Variants in SEMA3A observed in about 807,000 individuals in gnomAD.
SEMA3A encodes the protein semaphorin 3A.
Under a neutral mutation model 97.9 loss-of-function variants are expected in SEMA3A, and 29 were observed. That is an observed-to-expected ratio of 0.30 (90% CI 0.22 to 0.40). The LOEUF is 0.40. Among genes scored for constraint, SEMA3A ranks in the 10% least tolerant of loss-of-function variants. The probability of loss-of-function intolerance (pLI) is 1.00; values close to 1 mark genes in which losing one functional copy is unlikely to be tolerated. For missense variants in SEMA3A, 763 were observed against 951.3 expected (o/e 0.80, Z 2.60); for synonymous variants, 321 against 323.7 (o/e 0.99, Z 0.09).
At chr7:84,295,106 A>C (rs1162091102) in intron 3 of SEMA3A, among the ~76,000 whole-genome samples, 2 of 152,070 alleles carry the variant, frequency 1.3e-5, no homozygotes, top group Non-Finnish European at 2.9e-5. Flanking sequence ...TTCAACTAAC[A>C]CATCTCAGAT....
At position 84,372,934 on chromosome 7, in the gene SEMA3A, A is replaced by G. The variant is rs368901351; in HGVS notation, c.-245-1034T>C. Reference sequence around the variant, plus strand: ...CTCTGGCTATGAATTTCATCATGAGACTTGCTTTTGCAAATAGGATGATGT... The same window carrying G: ...CTCTGGCTATGAATTTCATCATGAGGCTTGCTTTTGCAAATAGGATGATGT... On this transcript the variant is annotated intron_variant, in intron 1 of 3. Transcript: ENST00000424555. Among the ~76,000 whole-genome samples the G allele has an allele frequency of 1.1e-4, 16 of 152,248 alleles. No individual in the cohort carries two copies. In the East Asian group the frequency reaches 1.6e-3, roughly 15 times the overall value.
chr7:84,265,352 C>T (rs1405305174), intron 3 of SEMA3A, among the ~76,000 whole-genome samples: 2 of 151,056 alleles, frequency 1.3e-5, no homozygotes, highest in Non-Finnish European at 1.5e-5. Context: ...CTGTTGGATG[C>T]CTGATCTTGA....
At chr7:83,965,052 A>G (rs150727330) in intron 15 of SEMA3A, among the ~76,000 whole-genome samples, 2 of 152,084 alleles carry the variant, frequency 1.3e-5, no homozygotes, top group African/African-American at 4.8e-5. Flanking sequence ...TGCTATTTAC[A>G]TTGAATACTT....
At chr7:84,182,074 G>T (rs1299394259) in intron 1 of SEMA3A, among the ~76,000 whole-genome samples, 1 of 151,996 alleles carries the variant, frequency 6.6e-6, no homozygotes, top group Non-Finnish European at 1.5e-5. Flanking sequence ...CCTTTAAGTT[G>T]CTCTCAACAT....
At chr7:84,153,556 A>G (rs1286352097) in intron 1 of SEMA3A, among the ~76,000 whole-genome samples, 2 of 152,156 alleles carry the variant, frequency 1.3e-5, no homozygotes, top group Non-Finnish European at 2.9e-5. Flanking sequence ...TTTAATCTCT[A>G]TGTTTAAGTA....
intron 15 of SEMA3A, among the ~76,000 whole-genome samples, chr7:83,965,647 TA>T (rs1788648696): frequency 2.1e-3 from 23 of 10,782 alleles, no homozygotes; most frequent in Non-Finnish European, 3.4e-3. Context: ...TATATATATA[TA>T]TATATATATA....
At position 84,090,948 on chromosome 7, in the gene SEMA3A, T is replaced by A. The variant is rs975723350; in HGVS notation, c.453+19522A>T. Among the ~76,000 whole-genome samples the A allele has an allele frequency of 3.3e-5, 5 of 150,952 alleles. No homozygotes were observed. In the Admixed American group the frequency reaches 3.3e-4, roughly 10 times the overall value. ...TGGGCGTGGTGGCTCATGCTTGTAA[T>A]CCCAACTACTCAGGAGGCTGAGGCC... On this transcript the variant is annotated intron_variant, in intron 4 of 16. Coordinates refer to ENST00000265362, the MANE Select transcript of SEMA3A (RefSeq NM_006080.3).
intron 1 of SEMA3A, among the ~76,000 whole-genome samples, chr7:84,173,887 C>G (rs578024687): frequency 2.0e-5 from 3 of 152,108 alleles, no homozygotes; most frequent in Non-Finnish European, 2.9e-5. Context: ...AGTCAGAACC[C>G]TATTGTGAAC....
chr7:84,430,124 A>G (rs1804941677), intron 1 of SEMA3A, among the ~76,000 whole-genome samples: 1 of 151,986 alleles, frequency 6.6e-6, no homozygotes, highest in African/African-American at 2.4e-5. Flanking sequence ...GACAATCTTT[A>G]TATTTCATTA....
At position 83,961,236 on chromosome 7, in the gene SEMA3A, G is replaced by A. The variant is rs113926949; in HGVS notation, c.*135C>T. 961 of 722,090 alleles carry A rather than the reference G, an allele frequency of 1.3e-3. 2 individuals carry two copies. The highest frequency in any genetic ancestry group is 2.5e-3 in the Admixed American group (97 of 39,106). 44.7% of individuals were successfully genotyped at this position (722,090 alleles called of 1,614,324 possible). ...TCATGGATTTAATTTATAATTGGTG[G>A]AACTCAGCTGAATTTCCCACCATTG... On this transcript the variant is annotated 3_prime_UTR_variant, in exon 17 of 17. Transcript: ENST00000265362.
chr7:84,101,678 T>C (rs898006410), intron 4 of SEMA3A, among the ~76,000 whole-genome samples: 6 of 152,164 alleles, frequency 3.9e-5, no homozygotes, highest in African/African-American at 1.4e-4. Context: ...GCAACAATAT[T>C]GGATTTCAAC....
At chr7:84,290,730 A>T (rs186643529) in intron 3 of SEMA3A, among the ~76,000 whole-genome samples, 15 of 152,214 alleles carry the variant, frequency 9.9e-5, no homozygotes, top group Admixed American at 9.2e-4. Context: ...CTGTTGTTTC[A>T]TGTACTAAAC....
chr7:84,447,662 T>C (rs1048922486), intron 1 of SEMA3A, among the ~76,000 whole-genome samples: 1 of 152,156 alleles, frequency 6.6e-6, no homozygotes, highest in South Asian at 2.1e-4. Context: ...GTTCTGTCGC[T>C]CAATAAAGCT....
At chr7:84,206,594 T>C (rs1220838188) in intron 3 of SEMA3A, among the ~76,000 whole-genome samples, 1 of 152,118 alleles carries the variant, frequency 6.6e-6, no homozygotes, top group Non-Finnish European at 1.5e-5. Context: ...AGTGCTGGGA[T>C]TACAGGCGTG....
intron 1 of SEMA3A, among the ~76,000 whole-genome samples, chr7:84,428,226 G>A (rs187639101): frequency 6.6e-6 from 1 of 152,032 alleles, no homozygotes; most frequent in African/African-American, 2.4e-5. Context: ...TGGAAGTCAA[G>A]TTCCTGCTTT....
At chr7:83,963,440 T>C in intron 15 of SEMA3A, 93 bp from the exon 16 acceptor site, 1 of 1,360,300 alleles carries the variant, frequency 7.4e-7, no homozygotes, top group Non-Finnish European at 1.0e-6. Context: ...AGACAAGTTA[T>C]TGCCAAGTTG....
At chr7:84,168,525 C>A (rs1487065337) in intron 1 of SEMA3A, among the ~76,000 whole-genome samples, 1 of 151,756 alleles carries the variant, frequency 6.6e-6, no homozygotes, top group Non-Finnish European at 1.5e-5. Context: ...AGTAATATTA[C>A]AAATATACAC....
intron 3 of SEMA3A, among the ~76,000 whole-genome samples, chr7:84,120,887 G>A (rs187716939): frequency 6.2e-4 from 95 of 152,244 alleles, no homozygotes; most frequent in African/African-American, 2.2e-3. Flanking sequence ...CAAAAATAGT[G>A]CTAGCTAGAG....
At chr7:84,161,536 A>G (rs889953202) in intron 1 of SEMA3A, among the ~76,000 whole-genome samples, 5 of 152,152 alleles carry the variant, frequency 3.3e-5, no homozygotes, top group Non-Finnish European at 7.4e-5. Flanking sequence ...TCACACTACC[A>G]AACTATAAAA....
Sources: gnomAD v4.1 joint callset for allele counts (sites outside exome capture counted in the v4.1 genomes callset) on GRCh38, gnomAD v4.1.1 for gene constraint, MANE v1.5 for transcripts, NCBI Gene and HGNC (gene_info 2026-07-23, HGNC 2026-07-21) for gene names.